CTNND1: variants seen among roughly 807,000 people sequenced by gnomAD.
CTNND1 encodes catenin delta-1.
In CTNND1, 16 loss-of-function variants were observed where a neutral mutation model predicts 112.1. The ratio of observed to expected loss-of-function variants is 0.14; its 90% CI spans 0.10 to 0.22. The LOEUF is 0.22. Ranked by LOEUF, CTNND1 falls within the 10% of genes least tolerant of loss-of-function variation. The pLI, the probability that CTNND1 is intolerant of heterozygous loss-of-function variation, is 1.00. For synonymous variants in CTNND1, 420 were observed against 446.5 expected, an observed-to-expected ratio of 0.94 and a Z score of 0.75; for missense variants, 1,008 against 1,257.0, an observed-to-expected ratio of 0.80 and a Z score of 3.00.
At chr11:57,773,783 A>G (rs923663605) in intron 1 of CTNND1, among the ~76,000 whole-genome samples, 1 of 151,866 alleles carries the variant, frequency 6.6e-6, no homozygotes, top group African/African-American at 2.4e-5. Context: ...CTAAAAAAAA[A>G]ATATAAAAAT....
chr11:57,780,933 TTTTC>T (rs779565280), intron 1 of CTNND1, among the ~76,000 whole-genome samples: 175 of 152,244 alleles, frequency 1.1e-3, no homozygotes, highest in African/African-American at 1.8e-3. Flanking sequence ...GAAGCTGCTA[TTTTC>T]TTTCTTTCTT....
At chr11:57,805,778 C>T (rs2062597883) in intron 9 of CTNND1, 104 bp from the exon 10 acceptor site, 14 of 1,286,602 alleles carry the variant, frequency 1.1e-5, no homozygotes, top group Non-Finnish European at 1.5e-5. Context: ...TTGGGTTATG[C>T]ATTTGAAGAT....
At chr11:57,780,617 A>G (rs777368388) in intron 1 of CTNND1, among the ~76,000 whole-genome samples, 6 of 152,196 alleles carry the variant, frequency 3.9e-5, no homozygotes, top group Non-Finnish European at 5.9e-5. Context: ...CCCCTTCAAG[A>G]TGGGATTTTC....
chr11:57,807,584 C>T (rs1400023287), intron 12 of CTNND1, among the ~76,000 whole-genome samples: 12 of 114,124 alleles, frequency 1.1e-4, no homozygotes, highest in South Asian at 2.7e-4. Flanking sequence ...CCAGCCTGGG[C>T]GACAGATAGA....
intron 2 of CTNND1, 34 bp from the exon 3 acceptor site, chr11:57,791,351 C>CTT: frequency 1.5e-6 from 2 of 1,333,420 alleles, no homozygotes; most frequent in Non-Finnish European, 1.9e-6. Flanking sequence ...GACCTGTGAC[C>CTT]TTTTCTCTCC....
Position 57,809,357 on chromosome 11 carries a change from A to T in CTNND1, c.2326A>T (p.Ile776Phe). 1 of 1,614,034 alleles carries T rather than the reference A, an allele frequency of 6.2e-7. No homozygotes were observed. The highest frequency in any genetic ancestry group is 8.5e-7 in the Non-Finnish European group (1 of 1,179,866). The change falls in exon 15 of 21, where the codon ATC becomes TTC. Residue 776 changes from isoleucine (I) to phenylalanine (F), a missense_variant. Ile to Phe is a conservative substitution (Grantham distance 21). Transcript: ENST00000399050. ...TTGGAATTTCTCTGAGGACACTGTC[A>T]TCTCTATTTTGAACACTATCAACGA... is the stretch of plus-strand genomic sequence containing the variant. The part of the protein sequence containing the change: ...SSWNFSEDTV[I>F]SILNTINEVI...
rs964087793 is a variant in CTNND1 at position 57,816,013 on chromosome 11, A to T, written c.2895+12A>T. The T allele has an allele frequency of 1.3e-6, 2 of 1,564,410 alleles. No homozygotes were observed. Among genetic ancestry groups the T allele is most frequent in the Non-Finnish European group, 1.7e-6 (2 of 1,160,890 alleles). On this transcript the variant is annotated intron_variant, in intron 20 of 20. Transcript: ENST00000399050. ...CTTACCCCTCCATGGTATGTCCTTC[A>T]GTCACCCCCAAGATTGTTCTTGAGG...
chr11:57,768,939 A>T (rs1214409579), intron 1 of CTNND1, among the ~76,000 whole-genome samples: 1 of 151,790 alleles, frequency 6.6e-6, no homozygotes, highest in African/African-American at 2.4e-5. Context: ...TTAAGAACCC[A>T]TGAAACTAGT....
chr11:57,819,338 G>C lies in CTNND1; in HGVS notation c.*3030G>C, dbSNP rs2064126161. ...AAGTACAAAGCCAAAAAGCTATTAAGAGTTTACTTTCCAAAGAGTTTTGAT... is the reference window on the plus strand; with the variant it reads ...AAGTACAAAGCCAAAAAGCTATTAACAGTTTACTTTCCAAAGAGTTTTGAT... On this transcript the variant is annotated 3_prime_UTR_variant, in exon 21 of 21. Coordinates refer to ENST00000399050, the MANE Select transcript of CTNND1 (RefSeq NM_001085458.2). 1 of 152,198 alleles carries C rather than the reference G, an allele frequency of 6.6e-6. No individual in the cohort carries two copies. Among genetic ancestry groups the C allele is most frequent in the Admixed American group, 6.5e-5 (1 of 15,280 alleles). The allele number at this position is 152,198 out of a possible 1,614,324, so 9.4% of individuals were successfully genotyped here. A position where few individuals can be genotyped will look rare whatever the true frequency, so the allele number is the denominator to read the frequency against.
intron 3 of CTNND1, 32 bp downstream of exon 3, chr11:57,791,705 G>C: frequency 6.7e-7 from 1 of 1,498,696 alleles, no homozygotes; most frequent in Non-Finnish European, 8.9e-7. Flanking sequence ...CGTGCAGGTA[G>C]GACTTTGGCA....
intron 3 of CTNND1, among the ~76,000 whole-genome samples, chr11:57,792,345 G>C (rs1186976021): frequency 6.6e-6 from 1 of 152,194 alleles, no homozygotes; most frequent in Non-Finnish European, 1.5e-5. Flanking sequence ...GAAGTATCTT[G>C]TGTTTCCTCT....
chr11:57,808,549 T>A lies in CTNND1; in HGVS notation c.2242+9T>A, dbSNP rs146312809. 100 of 1,581,722 alleles carry A rather than the reference T, an allele frequency of 6.3e-5. No individual in the cohort carries two copies. The highest frequency in any genetic ancestry group is 2.6e-4 in the Admixed American group (14 of 53,354). On this transcript the variant is annotated intron_variant, in intron 14 of 20. Coordinates refer to ENST00000399050, the MANE Select transcript of CTNND1 (RefSeq NM_001085458.2). ...CAACAAAGAATTAATTGGTGAGGAG[T>A]TGAATGCTAACTGTTACCTCAAAAT...
chr11:57,802,236 A>G (rs2062073499), intron 7 of CTNND1, 40 bp downstream of exon 7: 1 of 1,519,776 alleles, frequency 6.6e-7, no homozygotes. Context: ...AGTCAGTGTT[A>G]CTCTCTAGTG....
chr11:57,785,892 T>C (rs1366586168), intron 1 of CTNND1, among the ~76,000 whole-genome samples: 2 of 152,060 alleles, frequency 1.3e-5, no homozygotes, highest in Non-Finnish European at 2.9e-5. Context: ...TGGTTAGCAC[T>C]GTCTAGTTGT....
intron 1 of CTNND1, among the ~76,000 whole-genome samples, chr11:57,781,095 C>T (rs372807640): frequency 2.0e-5 from 3 of 152,140 alleles, no homozygotes; most frequent in Non-Finnish European, 2.9e-5. Context: ...TCTGCCACCA[C>T]GCCAGGCTAA....
intron 4 of CTNND1, among the ~76,000 whole-genome samples, chr11:57,794,816 C>T (rs772936715): frequency 2.0e-5 from 3 of 148,620 alleles, no homozygotes; most frequent in Non-Finnish European, 3.0e-5. Context: ...TTATTTTAGA[C>T]TGGGCACGGT....
chr11:57,787,553 A>G (rs547203329), intron 1 of CTNND1, among the ~76,000 whole-genome samples: 11 of 152,362 alleles, frequency 7.2e-5, no homozygotes, highest in African/African-American at 2.6e-4. Flanking sequence ...CCTGGGAAGC[A>G]GCAATTTTTT....
chr11:57,810,389 C>T (rs1320968762), intron 16 of CTNND1, among the ~76,000 whole-genome samples, 166 bp downstream of exon 16: 2 of 151,610 alleles, frequency 1.3e-5, no homozygotes, highest in African/African-American at 2.4e-5. Flanking sequence ...AGTGAAGTGG[C>T]GCAATCTCGG....
chr11:57,801,724 A>C lies in CTNND1; in HGVS notation c.957-9A>C. On this transcript the variant is annotated splice_polypyrimidine_tract_variant and intron_variant, in intron 6 of 20. Coordinates refer to ENST00000399050, the MANE Select transcript of CTNND1 (RefSeq NM_001085458.2). The stretch of plus-strand genomic sequence containing the variant: ...GATGTATTCTCTTGGTTCTTCCAAA[A>C]CTTCTCAGGAGCTATGAAGACATGA... The C allele has an allele frequency of 6.2e-7, 1 of 1,603,784 alleles. No individual in the cohort carries two copies. Among genetic ancestry groups the C allele is most frequent in the Non-Finnish European group, 8.5e-7 (1 of 1,173,242 alleles).
Sources: allele counts gnomAD v4.1 joint callset (sites outside exome capture counted in the v4.1 genomes callset), GRCh38; gene constraint gnomAD v4.1.1; transcripts MANE v1.5; gene names NCBI Gene and HGNC (gene_info 2026-07-23, HGNC 2026-07-21).